Variants in CSMD1 observed in about 807,000 individuals in gnomAD.
CSMD1 encodes CUB and sushi domain-containing protein 1.
A neutral mutation model predicts 417.5 loss-of-function variants in CSMD1; 213 were observed. The ratio of observed to expected loss-of-function variants is 0.51; its 90% CI spans 0.46 to 0.57. The LOEUF is 0.57. Ranked by LOEUF, CSMD1 falls within the 20% of genes least tolerant of loss-of-function variation. The pLI, the probability that CSMD1 is intolerant of heterozygous loss-of-function variation, is 0.00. For missense variants in CSMD1, 6,923 were observed against 4,529.7 expected, an observed-to-expected ratio of 1.53 and a Z score of -15.17; for synonymous variants, 2,862 against 1,736.8, an observed-to-expected ratio of 1.65 and a Z score of -16.11.
intron 11 of CSMD1, 90 bp downstream of exon 11, chr8:3,493,533 G>T: frequency 1.8e-6 from 2 of 1,115,648 alleles, no homozygotes; most frequent in Non-Finnish European, 2.6e-6. Context: ...ACCTGAGGCC[G>T]AATTACAAGC....
intron 3 of CSMD1, among the ~76,000 whole-genome samples, chr8:4,372,524 T>A (rs1802455377): frequency 6.6e-6 from 1 of 151,820 alleles, no homozygotes; most frequent in South Asian, 2.1e-4. Context: ...CTCTAATACC[T>A]CATCCAATAA....
At chr8:3,650,071 G>C (rs780794014) in intron 7 of CSMD1, among the ~76,000 whole-genome samples, 12 of 152,292 alleles carry the variant, frequency 7.9e-5, no homozygotes, top group Non-Finnish European at 1.8e-4. Flanking sequence ...TTGAGGTCAA[G>C]AGTTTGAGAC....
intron 1 of CSMD1, among the ~76,000 whole-genome samples, chr8:4,803,319 T>C (rs917756271): frequency 1.3e-5 from 2 of 152,184 alleles, no homozygotes; most frequent in Non-Finnish European, 1.5e-5. Flanking sequence ...CAGTGAAGAA[T>C]TCATGGAAAT....
chr8:3,354,321 G>A (rs1808599765), intron 21 of CSMD1, among the ~76,000 whole-genome samples: 1 of 152,098 alleles, frequency 6.6e-6, no homozygotes, highest in Non-Finnish European at 1.5e-5. Context: ...GTATGGCTCT[G>A]GTTATTAAAA....
At chr8:4,292,849 T>C (rs764897053) in intron 3 of CSMD1, among the ~76,000 whole-genome samples, 7 of 152,270 alleles carry the variant, frequency 4.6e-5, no homozygotes, top group Non-Finnish European at 8.8e-5. Flanking sequence ...AGAATAGAGA[T>C]GGAATATTTA....
chr8:4,734,785 C>T (rs1315294187), intron 1 of CSMD1, among the ~76,000 whole-genome samples: 1 of 152,142 alleles, frequency 6.6e-6, no homozygotes, highest in East Asian at 1.9e-4. Context: ...CATCTTTACT[C>T]TCATTTTTAA....
At chr8:4,859,645 A>C (rs1205719380) in intron 1 of CSMD1, among the ~76,000 whole-genome samples, 3 of 152,184 alleles carry the variant, frequency 2.0e-5, no homozygotes, top group Admixed American at 2.0e-4. Context: ...TACAGCCAAA[A>C]AACACATGAA....
chr8:3,684,689 G>A (rs148512284), intron 7 of CSMD1, among the ~76,000 whole-genome samples: 1 of 148,472 alleles, frequency 6.7e-6, no homozygotes, highest in Non-Finnish European at 1.5e-5. Context: ...GCTCCGCCTC[G>A]CAGGTTCACG....
At chr8:3,853,785 G>A (rs1012437351) in intron 5 of CSMD1, among the ~76,000 whole-genome samples, 2 of 150,806 alleles carry the variant, frequency 1.3e-5, no homozygotes, top group African/African-American at 4.9e-5. Flanking sequence ...CGAGTTACTG[G>A]GTGCAGCACA....
chr8:3,532,959 G>C (rs1320551235), intron 10 of CSMD1, among the ~76,000 whole-genome samples: 3 of 152,210 alleles, frequency 2.0e-5, no homozygotes, highest in South Asian at 4.1e-4. Context: ...ATCATGTAGA[G>C]TCTCATACAA....
At chr8:3,947,184 G>C (rs1036270732) in intron 5 of CSMD1, among the ~76,000 whole-genome samples, 9 of 152,122 alleles carry the variant, frequency 5.9e-5, no homozygotes, top group African/African-American at 1.2e-4. Flanking sequence ...CCCTTTACTG[G>C]GTTCAGGAGG....
intron 12 of CSMD1, among the ~76,000 whole-genome samples, chr8:3,441,454 A>T (rs1814979272): frequency 6.6e-6 from 1 of 151,366 alleles, no homozygotes; most frequent in Non-Finnish European, 1.5e-5. Context: ...TTTCATTCCT[A>T]CAAGGAAAAC....
intron 3 of CSMD1, among the ~76,000 whole-genome samples, chr8:4,260,603 T>C (rs941507727): frequency 2.0e-5 from 3 of 152,184 alleles, no homozygotes; most frequent in Admixed American, 1.3e-4. Context: ...AAAACACATA[T>C]TTGTGGTTTT....
intron 5 of CSMD1, among the ~76,000 whole-genome samples, chr8:3,866,310 A>G (rs1805099780): frequency 6.6e-6 from 1 of 152,206 alleles, no homozygotes; most frequent in South Asian, 2.1e-4. Flanking sequence ...GCTGCTGTAA[A>G]AGGCTGGCTG....
intron 4 of CSMD1, among the ~76,000 whole-genome samples, chr8:4,025,776 G>A (rs543563073): frequency 6.6e-6 from 1 of 152,188 alleles, no homozygotes; most frequent in East Asian, 1.9e-4. Context: ...CTGTTTAAGG[G>A]ACACAGTTTT....
intron 18 of CSMD1, among the ~76,000 whole-genome samples, chr8:3,370,171 C>T (rs111707166): frequency 5.3e-5 from 8 of 152,102 alleles, no homozygotes; most frequent in African/African-American, 1.7e-4. Context: ...CTCCATATGC[C>T]CTAATTTTAC....
chr8:3,425,322 G>A (rs975574119), intron 12 of CSMD1, among the ~76,000 whole-genome samples: 1 of 151,560 alleles, frequency 6.6e-6, no homozygotes, highest in African/African-American at 2.4e-5. Flanking sequence ...GGGCAAGGTG[G>A]CTCACGCCTG....
At chr8:3,271,013 G>T (rs1053668381) in intron 26 of CSMD1, among the ~76,000 whole-genome samples, 2 of 151,516 alleles carry the variant, frequency 1.3e-5, no homozygotes, top group East Asian at 1.9e-4. Flanking sequence ...GTGCCATGCT[G>T]GTGCGCTGCA....
intron 25 of CSMD1, among the ~76,000 whole-genome samples, chr8:3,293,128 TTC>T (rs1803703085): frequency 7.4e-6 from 1 of 135,794 alleles, no homozygotes; most frequent in African/African-American, 2.5e-5. Context: ...TGAAAATTCT[TTC>T]TTTTAAGAAT....
Sources: gnomAD v4.1 joint callset for allele counts (sites outside exome capture counted in the v4.1 genomes callset) on GRCh38, gnomAD v4.1.1 for gene constraint, MANE v1.5 for transcripts, NCBI Gene and HGNC (gene_info 2026-07-23, HGNC 2026-07-21) for gene names.